Variants in MUC5AC observed in about 807,000 individuals in gnomAD.
MUC5AC encodes mucin-5AC.
A neutral mutation model predicts 169.7 loss-of-function variants in MUC5AC; 158 were observed. The ratio of observed to expected loss-of-function variants is 0.93; its 90% CI spans 0.82 to 1.06. The LOEUF is 1.06. Among genes scored for constraint, MUC5AC ranks in the 50% least tolerant of loss-of-function variants. MUC5AC has a pLI of 0.00. For missense variants in MUC5AC, 4,359 were observed against 3,089.9 expected, an observed-to-expected ratio of 1.41 and a Z score of -9.74; for synonymous variants, 1,975 against 1,237.0, an observed-to-expected ratio of 1.60 and a Z score of -12.52.
chr11:1,179,587 T>TAGAACGTTC (rs1226222396), intron 26 of MUC5AC, among the ~76,000 whole-genome samples: 1,592 of 100,000 alleles, frequency 0.016, 66 homozygotes, highest in Non-Finnish European at 0.02. Context: ...CCTGGCATGG[T>TAGAACGTTC]TGGGCAGAGG....
chr11:1,171,134 C>T (rs1327260151), intron 15 of MUC5AC, among the ~76,000 whole-genome samples: 8 of 148,570 alleles, frequency 5.4e-5, no homozygotes, highest in Admixed American at 2.7e-4. Context: ...TCATTCACCT[C>T]ACTCACTCAC....
At position 1,179,040 on chromosome 11, in the gene MUC5AC, G is replaced by A. The variant is rs1043611551; in HGVS notation, c.3328-52G>A. 1.5e-3 allele frequency: 386 copies of A among 262,374 alleles called. No homozygotes were observed. In the African/African-American group the frequency reaches 0.03, roughly 20 times the overall value. The allele number at this position is 262,374 out of a possible 1,614,324, so 16.3% of individuals were successfully genotyped here. A position where few individuals can be genotyped will look rare whatever the true frequency, so the allele number is the denominator to read the frequency against. On this transcript the variant is annotated intron_variant, in intron 25 of 48. Coordinates refer to ENST00000621226, the MANE Select transcript of MUC5AC (RefSeq NM_001304359.2). ...GCCAGCATGGGCCCGGTCCCCAAGAGCCCGCGGGGTGGTGGGGGGGTCCCT... is the reference window on the plus strand; with the variant it reads ...GCCAGCATGGGCCCGGTCCCCAAGAACCCGCGGGGTGGTGGGGGGGTCCCT...
At chr11:1,162,222 C>G in intron 4 of MUC5AC, 54 bp downstream of exon 4, 1 of 1,585,416 alleles carries the variant, frequency 6.3e-7, no homozygotes, top group South Asian at 1.1e-5. Flanking sequence ...GGTGGCATTT[C>G]CGGGTGGTTG....
At chr11:1,175,543 ATT>A in intron 19 of MUC5AC, among the ~76,000 whole-genome samples, 1 of 146,008 alleles carries the variant, frequency 6.8e-6, no homozygotes, top group South Asian at 2.2e-4. Flanking sequence ...ACACACACCC[ATT>A]CATGCACACA....
intron 48 of MUC5AC, 50 bp from the exon 49 acceptor site, chr11:1,200,388 A>C (rs1223668688): frequency 4.7e-6 from 3 of 640,364 alleles, no homozygotes; most frequent in Non-Finnish European, 8.6e-6. Flanking sequence ...GGCTTACGGC[A>C]GGAGGCTGGG....
rs1384182175 is a variant in MUC5AC, at chr11:1,191,506, C to T, written c.13361C>T (p.Thr4454Ile). 3.1e-6 allele frequency: 2 copies of T among 645,464 alleles called. No individual in the cohort carries two copies. The highest frequency in any genetic ancestry group is 6.3e-5 in the East Asian group (2 of 31,766). 40.0% of individuals were successfully genotyped at this position (645,464 alleles called of 1,614,324 possible). A position where few individuals can be genotyped will look rare whatever the true frequency, so the allele number is the denominator to read the frequency against. Residue 4454 changes from threonine (T) to isoleucine (I), a missense_variant, in exon 31 of 49, where the codon ACA becomes ATA. Coordinates refer to ENST00000621226, the MANE Select transcript of MUC5AC (RefSeq NM_001304359.2). ...ACCACAAGCACAACCTCTGCTTCTA[C>T]AACCAGCACAATCTCTCTCCCTACA... ...VPTTSTTSAS[T>I]TSTISLPTTS...
rs1038892697 is a variant in MUC5AC, at chr11:1,177,243, G to A, written c.2806G>A (p.Gly936Arg). Residue 936 changes from glycine (G) to arginine (R), a missense_variant, in exon 23 of 49, where the codon GGG (glycine) becomes AGG (arginine). Physicochemically the swap from Gly to Arg is moderately radical, Grantham distance 125. Transcript: ENST00000621226. ...TCTGCTTCCCCAGAACCACTGTGGC[G>A]GGAAAGACAGCACCCAGGACTCCTT... is the stretch of plus-strand genomic sequence containing the variant. ...EYTLVQNHCG[G>R]KDSTQDSFRV... The A allele has an allele frequency of 2.2e-5, 9 of 409,756 alleles. No individual in the cohort carries two copies. Among genetic ancestry groups the A allele is most frequent in the Admixed American group, 4.2e-5 (1 of 23,854 alleles). The allele number at this position is 409,756 out of a possible 1,614,324, so 25.4% of individuals were successfully genotyped here. A position where few individuals can be genotyped will look rare whatever the true frequency, so the allele number is the denominator to read the frequency against.
chr11:1,200,726 T>C lies in MUC5AC; in HGVS notation c.*24T>C. On this transcript the variant is annotated 3_prime_UTR_variant, in exon 49 of 49. Transcript: ENST00000621226. ...GACCAGCACTGCCGCCCTCCTGACC[T>C]CCAAGGAGAACCTCCCATATGTCCT... 1.4e-6 allele frequency: 1 copy of C among 701,392 alleles called. No homozygotes were observed. Among genetic ancestry groups the C allele is most frequent in the Non-Finnish European group, 2.6e-6 (1 of 381,656 alleles). 43.4% of individuals were successfully genotyped at this position (701,392 alleles called of 1,614,324 possible). A position where few individuals can be genotyped will look rare whatever the true frequency, so the allele number is the denominator to read the frequency against.
At chr11:1,178,722 G>C in intron 25 of MUC5AC, 39 bp downstream of exon 25, 1 of 1,119,912 alleles carries the variant, frequency 8.9e-7, no homozygotes, top group Non-Finnish European at 1.1e-6. Flanking sequence ...GCCCAAGGGG[G>C]TCATGGTGAC....
In MUC5AC at chr11:1,200,581, T is replaced by C. The variant is rs761493359; in HGVS notation, c.16844T>C (p.Met5615Thr). 2.6e-6 allele frequency: 2 copies of C among 764,554 alleles called. No individual in the cohort carries two copies. Among genetic ancestry groups the C allele is most frequent in the South Asian group, 2.7e-5 (2 of 74,576 alleles). The allele number at this position is 764,554 out of a possible 1,614,324, so 47.4% of individuals were successfully genotyped here. The change falls in exon 49 of 49, where the codon ATG becomes ACG. Residue 5615 changes from methionine to threonine, a missense_variant. Coordinates refer to ENST00000621226, the MANE Select transcript of MUC5AC (RefSeq NM_001304359.2). ...ACCGAGGTGGAAGAGTGCGGCTGCATGGGCCGGCGGTGCCCTGCGCCGGGC... is the reference window on the plus strand; with the variant it reads ...ACCGAGGTGGAAGAGTGCGGCTGCACGGGCCGGCGGTGCCCTGCGCCGGGC... Reference protein sequence around the residue: ...SYTEVEECGCMGRRCPAPGDT... With the variant: ...SYTEVEECGCTGRRCPAPGDT...
chr11:1,169,243 G>T, intron 15 of MUC5AC: 1 of 872,026 alleles, frequency 1.1e-6, no homozygotes. Flanking sequence ...TCAAAGAAAG[G>T]GTACAAGTCT....
chr11:1,196,394 C>G lies in MUC5AC; in HGVS notation c.15644C>G (p.Thr5215Ser). ...TGGCTTCCCCTCCCCACAGCATTCACCTGCCCAGCCGACAAGGTGTACCAG... is the reference window on the plus strand; with the variant it reads ...TGGCTTCCCCTCCCCACAGCATTCAGCTGCCCAGCCGACAAGGTGTACCAG... ...RGRTGHMCPF[T>S]CPADKVYQPC... is the part of the protein sequence containing the mutation. Residue 5215 changes from threonine (T) to serine (S), a missense_variant, in exon 38 of 49, where the codon ACC (threonine) becomes AGC (serine). Transcript: ENST00000621226. 1.3e-6 allele frequency: 1 copy of G among 764,928 alleles called. No homozygotes were observed. The highest frequency in any genetic ancestry group is 2.4e-6 in the Non-Finnish European group (1 of 417,772). 47.4% of individuals were successfully genotyped at this position (764,928 alleles called of 1,614,324 possible). A position where few individuals can be genotyped will look rare whatever the true frequency, so the allele number is the denominator to read the frequency against.
Position 1,187,457 on chromosome 11 carries a change from T to A in MUC5AC, c.9312T>A (p.Pro3104=). 1 of 729,778 alleles carries A rather than the reference T, an allele frequency of 1.4e-6. No individual in the cohort carries two copies. The highest frequency in any genetic ancestry group is 2.5e-6 in the Non-Finnish European group (1 of 400,942). 45.2% of individuals were successfully genotyped at this position (729,778 alleles called of 1,614,324 possible). Residue 3104 remains proline, a synonymous_variant, in exon 31 of 49, where the codon CCT becomes CCA. Transcript: ENST00000621226. ...SAPTTSTTSA[P]TTSTTSASTA... The stretch of plus-strand genomic sequence containing the variant: ...CAACAACCAGCACAACGTCTGCTCC[T>A]ACAACCAGCACAACCTCTGCCTCTA...
chr11:1,170,573 C>CTATTCACT (rs1860480041), intron 15 of MUC5AC, among the ~76,000 whole-genome samples: 1 of 134,636 alleles, frequency 7.4e-6, no homozygotes, highest in Non-Finnish European at 1.6e-5. Context: ...ACCCACTCAC[C>CTATTCACT]CACTCACCTA....
In MUC5AC at chr11:1,161,987, C is replaced by T. The variant is rs55903623; in HGVS notation, c.292C>T (p.Arg98Cys). The change falls in exon 4 of 49, where the codon CGC becomes TGC. Residue 98 changes from arginine to cysteine, a missense_variant. Transcript: ENST00000621226. Reference protein sequence around the residue: ...HYKTFDGDVFRFPGLCNYVFS... With the variant: ...HYKTFDGDVFCFPGLCNYVFS... ...CAAGACCTTCGACGGCGACGTCTTC[C>T]GCTTCCCCGGCCTCTGCAACTACGT... The T allele has an allele frequency of 2.7e-5, 43 of 1,612,270 alleles. 2 individuals are homozygous for T. The highest frequency in any genetic ancestry group is 1.9e-4 in the South Asian group (17 of 90,994).
rs371526184 is a variant in MUC5AC at position 1,197,949 on chromosome 11, C to A, written c.16080C>A (p.Gly5360=). ...CCGCGCCCGTGGGCTGTCCTGAGGG[C>A]GCCCGCGCGATCCCGACCTACCAGG... is the stretch of plus-strand genomic sequence containing the variant. ...RCPAPVGCPE[G]ARAIPTYQEG... Residue 5360 remains glycine, a synonymous_variant, in exon 42 of 49, where the codon GGC becomes GGA. Transcript: ENST00000621226. The A allele has an allele frequency of 1.4e-6, 1 of 736,880 alleles. No homozygotes were observed. Among genetic ancestry groups the A allele is most frequent in the Non-Finnish European group, 2.5e-6 (1 of 405,466 alleles). The allele number at this position is 736,880 out of a possible 1,614,324, so 45.6% of individuals were successfully genotyped here.
Position 1,176,939 on chromosome 11 carries a change from G to A in MUC5AC, c.2666G>A (p.Ser889Asn). 1 of 398,984 alleles carries A rather than the reference G, an allele frequency of 2.5e-6. No individual in the cohort carries two copies. The allele number at this position is 398,984 out of a possible 1,614,324, so 24.7% of individuals were successfully genotyped here. ...RVGCNTCTCD[S>N]RMWRCTDDPC... ...CAGATGTCCCCCAGCACCTGTGACAGCAGGATGTGGCGGTGCACAGATGAC... is the reference window on the plus strand; with the variant it reads ...CAGATGTCCCCCAGCACCTGTGACAACAGGATGTGGCGGTGCACAGATGAC... Residue 889 changes from serine to asparagine, a missense_variant, in exon 22 of 49, where the codon AGC (serine) becomes AAC (asparagine). By Grantham distance (46) the Ser-to-Asn change is conservative. Coordinates refer to ENST00000621226, the MANE Select transcript of MUC5AC (RefSeq NM_001304359.2).
chr11:1,181,929 C>A (rs948906952), intron 30 of MUC5AC, among the ~76,000 whole-genome samples: 1 of 152,204 alleles, frequency 6.6e-6, no homozygotes, highest in South Asian at 2.1e-4. Context: ...GATGTGTGGA[C>A]CCTGCTCAGG....
Position 1,191,079 on chromosome 11 carries a change from A to T in MUC5AC, c.12934A>T (p.Ser4312Cys). Residue 4312 changes from serine to cysteine, a missense_variant, in exon 31 of 49, where the codon AGC (serine) becomes TGC (cysteine). By Grantham distance (112) the Ser-to-Cys change is moderately radical. Transcript: ENST00000621226. ...TTSTTSAPTTSTTSGPGTTPS... is the reference protein window; with the variant it reads ...TTSTTSAPTTCTTSGPGTTPS... ...CAGCACAACCTCTGCTCCTACAACT[A>T]GCACAACCTCTGGTCCTGGAACTAC... The T allele has an allele frequency of 1.4e-6, 1 of 713,170 alleles. No homozygotes were observed. The allele number at this position is 713,170 out of a possible 1,614,324, so 44.2% of individuals were successfully genotyped here. A position where few individuals can be genotyped will look rare whatever the true frequency, so the allele number is the denominator to read the frequency against.
Sources: allele counts gnomAD v4.1 joint callset (sites outside exome capture counted in the v4.1 genomes callset), GRCh38; gene constraint gnomAD v4.1.1; transcripts MANE v1.5; gene names NCBI Gene and HGNC (gene_info 2026-07-23, HGNC 2026-07-21).